LRCH1: variants seen among roughly 807,000 people sequenced by gnomAD.
The protein encoded by LRCH1 is leucine-rich repeat and calponin homology domain-containing protein 1.
Under a neutral mutation model 94.9 loss-of-function variants are expected in LRCH1, and 23 were observed. The observed-to-expected ratio is 0.24, with a 90% CI of 0.17 to 0.34. LRCH1 has a LOEUF of 0.34. Among genes scored for constraint, LRCH1 ranks in the 10% least tolerant of loss-of-function variants. The probability of loss-of-function intolerance (pLI) is 1.00; values close to 1 mark genes in which losing one functional copy is unlikely to be tolerated. For synonymous variants in LRCH1, 364 were observed against 354.9 expected (o/e 1.03, Z -0.29); for missense variants, 790 against 945.9 (o/e 0.84, Z 2.16).
At chr13:46,668,722 C>T (rs2051554740) in intron 2 of LRCH1, among the ~76,000 whole-genome samples, 1 of 121,296 alleles carries the variant, frequency 8.2e-6, no homozygotes, top group Admixed American at 8.3e-5. Context: ...TTCTAAGTGG[C>T]GGTGGCGGGG....
intron 3 of LRCH1, 78 bp downstream of exon 3, chr13:46,669,234 T>C (rs2051565104): frequency 6.5e-7 from 1 of 1,543,910 alleles, no homozygotes; most frequent in Non-Finnish European, 8.8e-7. Context: ...GAAAACCTTT[T>C]TGCTACGGTT....
At chr13:46,611,092 A>G (rs2050742589) in intron 1 of LRCH1, among the ~76,000 whole-genome samples, 1 of 152,144 alleles carries the variant, frequency 6.6e-6, no homozygotes, top group Non-Finnish European at 1.5e-5. Context: ...TAATCACACC[A>G]TGCTTTAGGA....
At chr13:46,639,435 A>G (rs988634933) in intron 1 of LRCH1, among the ~76,000 whole-genome samples, 51 of 152,208 alleles carry the variant, frequency 3.4e-4, no homozygotes, top group African/African-American at 1.2e-3. Context: ...GAATTATGGT[A>G]TCACATAGAC....
intron 1 of LRCH1, among the ~76,000 whole-genome samples, chr13:46,606,350 T>C (rs549483522): frequency 6.6e-6 from 1 of 152,300 alleles, no homozygotes; most frequent in African/African-American, 2.4e-5. Flanking sequence ...GACTTGCCCT[T>C]AGTTACATTA....
chr13:46,604,611 G>T (rs1046334553), intron 1 of LRCH1, among the ~76,000 whole-genome samples: 2 of 152,130 alleles, frequency 1.3e-5, no homozygotes, highest in African/African-American at 4.8e-5. Context: ...ACATCTTGTT[G>T]GTCTTGTTCT....
At chr13:46,719,574 T>G (rs1010801107) in intron 16 of LRCH1, among the ~76,000 whole-genome samples, 5 of 152,232 alleles carry the variant, frequency 3.3e-5, no homozygotes, top group Non-Finnish European at 7.3e-5. Flanking sequence ...GAAAGATCAG[T>G]GGAATTTGAC....
At chr13:46,582,489 G>GTTTT (rs11385400) in intron 1 of LRCH1, among the ~76,000 whole-genome samples, 1 of 132,496 alleles carries the variant, frequency 7.5e-6, no homozygotes, top group Non-Finnish European at 1.6e-5. Context: ...TGAACATATT[G>GTTTT]TTTTTTTTTT....
intron 2 of LRCH1, among the ~76,000 whole-genome samples, chr13:46,666,309 C>T (rs1316740301): frequency 6.6e-6 from 1 of 152,142 alleles, no homozygotes; most frequent in Non-Finnish European, 1.5e-5. Context: ...AAGTAAGTAC[C>T]CACTCTGGAA....
chr13:46,595,418 T>C (rs2050550068), intron 1 of LRCH1, among the ~76,000 whole-genome samples: 1 of 152,214 alleles, frequency 6.6e-6, no homozygotes, highest in Admixed American at 6.5e-5. Flanking sequence ...GTTTCCATAT[T>C]GCACACTCAG....
intron 2 of LRCH1, among the ~76,000 whole-genome samples, chr13:46,662,688 G>C (rs1157006489): frequency 2.0e-5 from 3 of 152,084 alleles, no homozygotes; most frequent in Non-Finnish European, 2.9e-5. Context: ...TACATTGGTT[G>C]CTGACCGTTG....
chr13:46,734,060 T>C, intron 19 of LRCH1, 62 bp downstream of exon 19: 1 of 836,730 alleles, frequency 1.2e-6, no homozygotes, highest in East Asian at 2.7e-5. Flanking sequence ...ATATATGAGT[T>C]TGAACCATTG....
chr13:46,713,879 G>C (rs898305284), intron 15 of LRCH1, among the ~76,000 whole-genome samples: 2 of 152,180 alleles, frequency 1.3e-5, no homozygotes, highest in African/African-American at 4.8e-5. Context: ...ATGTTGAGCT[G>C]CAGACTGTCT....
intron 2 of LRCH1, 26 bp downstream of exon 2, chr13:46,650,371 C>A (rs765871056): frequency 6.5e-7 from 1 of 1,537,702 alleles, no homozygotes; most frequent in East Asian, 2.3e-5. Context: ...AAGTTGTAAT[C>A]AAATTCAGTG....
intron 1 of LRCH1, among the ~76,000 whole-genome samples, chr13:46,594,711 C>T (rs1273097262): frequency 1.3e-5 from 2 of 152,288 alleles, no homozygotes; most frequent in Non-Finnish European, 2.9e-5. Flanking sequence ...GTAGGAACTG[C>T]TTCGCTTAAT....
chr13:46,574,333 C>A (rs1056052385), intron 1 of LRCH1, among the ~76,000 whole-genome samples: 13 of 151,402 alleles, frequency 8.6e-5, no homozygotes, highest in Non-Finnish European at 1.8e-4. Context: ...TACTATGTAC[C>A]CCCAGAAATT....
At chr13:46,605,192 G>A (rs1280110353) in intron 1 of LRCH1, among the ~76,000 whole-genome samples, 4 of 152,090 alleles carry the variant, frequency 2.6e-5, no homozygotes, top group South Asian at 4.2e-4. Context: ...AAGGAAAGTC[G>A]GATTGACATG....
In LRCH1 at chr13:46,651,873, G is replaced by GT. The variant is rs1170289609; in HGVS notation, c.452+1536dup. On this transcript the variant is annotated intron_variant, in intron 2 of 19. Transcript: ENST00000389797. ...CGGCCACCAGGCCTGCTGATGTTTT[G>GT]TTTTTTTTGTTTTGTTTTGTTTTGT... 7.7e-3 allele frequency among the ~76,000 whole-genome samples: 912 copies of GT among 118,724 alleles called. 10 individuals are homozygous for GT. Among genetic ancestry groups the GT allele is most frequent in the African/African-American group, 0.03 (859 of 29,072 alleles). 77.9% of individuals were successfully genotyped at this position (118,724 alleles called of 152,430 possible).
intron 1 of LRCH1, among the ~76,000 whole-genome samples, chr13:46,626,139 T>G (rs113189554): frequency 3.9e-5 from 6 of 152,326 alleles, no homozygotes; most frequent in African/African-American, 1.4e-4. Flanking sequence ...TAATGACATA[T>G]TATATGCAAA....
intron 1 of LRCH1, among the ~76,000 whole-genome samples, chr13:46,578,577 TC>T (rs1307769113): frequency 6.6e-6 from 1 of 152,210 alleles, no homozygotes; most frequent in Non-Finnish European, 1.5e-5. Flanking sequence ...AGTACCATGT[TC>T]TTCTCCTTAA....
Sources: gnomAD v4.1 joint callset for allele counts (sites outside exome capture counted in the v4.1 genomes callset) on GRCh38, gnomAD v4.1.1 for gene constraint, MANE v1.5 for transcripts, NCBI Gene and HGNC (gene_info 2026-07-23, HGNC 2026-07-21) for gene names.